Variants in NAA15 observed in about 807,000 individuals in gnomAD.
NAA15 encodes the protein N-terminal acetyltransferase.
In NAA15, 34 loss-of-function variants were observed where a neutral mutation model predicts 114.0. The ratio of observed to expected loss-of-function variants is 0.30; its 90% CI spans 0.23 to 0.40. The LOEUF is 0.40. Among genes scored for constraint, NAA15 ranks in the 10% least tolerant of loss-of-function variants. The probability of loss-of-function intolerance (pLI) is 1.00; values close to 1 mark genes in which losing one functional copy is unlikely to be tolerated. For missense variants in NAA15, 658 were observed against 1,004.5 expected (o/e 0.66, Z 4.66); for synonymous variants, 340 against 338.0 (o/e 1.01, Z -0.06).
chr4:139,359,376 C>T (rs1470013821), intron 11 of NAA15, among the ~76,000 whole-genome samples: 1 of 152,108 alleles, frequency 6.6e-6, no homozygotes, highest in Non-Finnish European at 1.5e-5. Flanking sequence ...ATCCACCCGG[C>T]TCGGCCTCCC....
At chr4:139,357,875 G>A (rs1234821079) in intron 11 of NAA15, among the ~76,000 whole-genome samples, 10 of 152,298 alleles carry the variant, frequency 6.6e-5, no homozygotes, top group Non-Finnish European at 1.5e-4. Flanking sequence ...GCTGTGAAAT[G>A]TGTATTTCTA....
chr4:139,307,403 C>G (rs898690988), intron 1 of NAA15, among the ~76,000 whole-genome samples: 8 of 152,116 alleles, frequency 5.3e-5, no homozygotes, highest in Non-Finnish European at 4.4e-5. Context: ...CGAGTAGCTG[C>G]GACTACAGGC....
intron 1 of NAA15, among the ~76,000 whole-genome samples, chr4:139,313,605 C>T (rs1746291478): frequency 1.3e-5 from 2 of 150,464 alleles, no homozygotes; most frequent in Non-Finnish European, 3.0e-5. Flanking sequence ...GTAGTGGCCG[C>T]GTGATCTTGG....
At chr4:139,325,532 TAAAC>T (rs1481984080) in intron 1 of NAA15, among the ~76,000 whole-genome samples, 1 of 152,134 alleles carries the variant, frequency 6.6e-6, no homozygotes, top group Non-Finnish European at 1.5e-5. Flanking sequence ...AAACATACGA[TAAAC>T]AAATAAAGGT....
rs190686796 is a variant in NAA15 at position 139,370,392 on chromosome 4, G to C, written c.1935G>C (p.Glu645Asp). The C allele has an allele frequency of 4.4e-6, 7 of 1,575,444 alleles. No individual in the cohort carries two copies. The African/African-American group carries it at 6.9e-5, about 16-fold the overall frequency. ...GTCCAAAAGAAGAACTTATTCCAGA[G>C]AAACTGGCCAAGGTACTTAATAATA... ...IGGPKEELIPEKLAKVETPLE... is the reference protein window; with the variant it reads ...IGGPKEELIPDKLAKVETPLE... The change falls in exon 15 of 20, where the codon GAG becomes GAC. Residue 645 changes from glutamate (E) to aspartate (D), a missense_variant. Glu to Asp is a conservative substitution (Grantham distance 45, BLOSUM62 2). Transcript: ENST00000296543.
intron 9 of NAA15, among the ~76,000 whole-genome samples, chr4:139,352,870 G>A (rs895454212): frequency 2.0e-5 from 3 of 151,778 alleles, no homozygotes; most frequent in Non-Finnish European, 2.9e-5. Context: ...GTTTGACCAT[G>A]TTGGCCAGGC....
At chr4:139,315,078 T>TAGG (rs1253703101) in intron 1 of NAA15, among the ~76,000 whole-genome samples, 22 of 144,774 alleles carry the variant, frequency 1.5e-4, no homozygotes, top group African/African-American at 1.6e-4. Flanking sequence ...TAGTTTAGTT[T>TAGG]TTGAGACGGA....
At chr4:139,303,900 T>G (rs1319422903) in intron 1 of NAA15, among the ~76,000 whole-genome samples, 1 of 152,254 alleles carries the variant, frequency 6.6e-6, no homozygotes, top group Non-Finnish European at 1.5e-5. Context: ...ATGGAGATTT[T>G]CTCAAGTGTT....
rs548606491 is a variant in NAA15, at chr4:139,388,235, G to A, written c.*151G>A. The A allele has an allele frequency of 1.0e-5, 6 of 589,262 alleles. No individual in the cohort carries two copies. The South Asian group carries it at 1.2e-4, about 12-fold the overall frequency. The allele number at this position is 589,262 out of a possible 1,614,324, so 36.5% of individuals were successfully genotyped here. On this transcript the variant is annotated 3_prime_UTR_variant, in exon 20 of 20. Coordinates refer to ENST00000296543, the MANE Select transcript of NAA15 (RefSeq NM_057175.5). ...AGTGTTTTACGTTTTTTATCCTGCT[G>A]AAAAAGTATATATAAAATATCTAAC...
At chr4:139,304,216 C>T (rs1464083525) in intron 1 of NAA15, among the ~76,000 whole-genome samples, 1 of 152,178 alleles carries the variant, frequency 6.6e-6, no homozygotes, top group Admixed American at 6.5e-5. Context: ...CCGCACCCGG[C>T]CAAGTGTTAG....
chr4:139,376,220 G>A (rs1748576775), intron 15 of NAA15, 145 bp from the exon 16 acceptor site: 1 of 568,936 alleles, frequency 1.8e-6, no homozygotes, highest in Non-Finnish European at 3.1e-6. Context: ...CCTTTTTTAG[G>A]TTATAGGAGG....
At chr4:139,317,190 G>A (rs577392354) in intron 1 of NAA15, among the ~76,000 whole-genome samples, 1 of 151,802 alleles carries the variant, frequency 6.6e-6, no homozygotes, top group Non-Finnish European at 1.5e-5. Context: ...GGTCTTCAAT[G>A]TTTATGCTCT....
chr4:139,306,694 A>G (rs1217685186), intron 1 of NAA15, among the ~76,000 whole-genome samples: 1 of 151,042 alleles, frequency 6.6e-6, no homozygotes, highest in Non-Finnish European at 1.5e-5. Flanking sequence ...GCCTTTGCCT[A>G]CTGTTGATGC....
At chr4:139,308,106 C>A (rs949590340) in intron 1 of NAA15, among the ~76,000 whole-genome samples, 1 of 151,940 alleles carries the variant, frequency 6.6e-6, no homozygotes, top group Non-Finnish European at 1.5e-5. Context: ...AGACTACAGG[C>A]ACCTGCCACC....
intron 11 of NAA15, among the ~76,000 whole-genome samples, chr4:139,358,466 G>C (rs1355107748): frequency 1.3e-5 from 2 of 152,016 alleles, no homozygotes; most frequent in African/African-American, 4.8e-5. Context: ...AAAGTGCTCA[G>C]ATTGTAGGCA....
At chr4:139,353,571 C>CA (rs1424823637) in intron 9 of NAA15, among the ~76,000 whole-genome samples, 4 of 152,304 alleles carry the variant, frequency 2.6e-5, no homozygotes, top group Middle Eastern at 3.4e-3. Flanking sequence ...AACAAACTCT[C>CA]AGAGTATTCT....
intron 1 of NAA15, among the ~76,000 whole-genome samples, chr4:139,319,511 C>T (rs1746529330): frequency 2.0e-5 from 3 of 152,160 alleles, no homozygotes; most frequent in Admixed American, 2.0e-4. Flanking sequence ...TCATGGCTCA[C>T]TGTAGCTTCA....
chr4:139,345,716 C>T (rs961851839), intron 6 of NAA15, among the ~76,000 whole-genome samples: 1 of 152,080 alleles, frequency 6.6e-6, no homozygotes, highest in African/African-American at 2.4e-5. Flanking sequence ...GTCAGGAGAT[C>T]GAGACCATCC....
chr4:139,363,700 CGGT>C (rs1207938253), intron 14 of NAA15, among the ~76,000 whole-genome samples: 1 of 152,060 alleles, frequency 6.6e-6, no homozygotes. Flanking sequence ...AAGTGGAAAT[CGGT>C]GGGTTGAAGG....
Sources: allele counts gnomAD v4.1 joint callset (sites outside exome capture counted in the v4.1 genomes callset), GRCh38; gene constraint gnomAD v4.1.1; transcripts MANE v1.5; gene names NCBI Gene and HGNC (gene_info 2026-07-23, HGNC 2026-07-21).